Variants in CCL28 observed in about 807,000 individuals in gnomAD.
CCL28 encodes C-C motif chemokine ligand 28.
A neutral mutation model predicts 7.1 loss-of-function variants in CCL28; 4 were observed. That is an observed-to-expected ratio of 0.56 (90% CI 0.28 to 1.29). The LOEUF is 1.29. CCL28 is among the 50% of genes most tolerant of loss of function. CCL28 has a pLI of 0.11. For synonymous variants in CCL28, 55 were observed against 57.8 expected (o/e 0.95, Z 0.22); for missense variants, 151 against 163.4 (o/e 0.92, Z 0.41).
chr5:43,399,024 T>C (rs575671082), intron 1 of CCL28, among the ~76,000 whole-genome samples: 11 of 152,310 alleles, frequency 7.2e-5, no homozygotes, highest in African/African-American at 2.2e-4. Flanking sequence ...TTTTTAGCTC[T>C]ACCCAAATAT....
At chr5:43,400,011 A>G (rs1279641147) in intron 1 of CCL28, among the ~76,000 whole-genome samples, 1 of 151,800 alleles carries the variant, frequency 6.6e-6, no homozygotes, top group African/African-American at 2.4e-5. Flanking sequence ...ATGCCTGGCT[A>G]ATTTTTAAAA....
chr5:43,379,372 C>T lies in CCL28; in HGVS notation c.*2488G>A, dbSNP rs1740013344. 1 of 152,098 alleles carries T rather than the reference C, an allele frequency of 6.6e-6. No individual in the cohort carries two copies. Among genetic ancestry groups the T allele is most frequent in the Non-Finnish European group, 1.5e-5 (1 of 68,018 alleles). 9.4% of individuals were successfully genotyped at this position (152,098 alleles called of 1,614,324 possible). A position where few individuals can be genotyped will look rare whatever the true frequency, so the allele number is the denominator to read the frequency against. On this transcript the variant is annotated 3_prime_UTR_variant, in exon 3 of 3. Transcript: ENST00000361115. The stretch of plus-strand genomic sequence containing the variant: ...TGTGGTTTATTAATATTTTAAGTTA[C>T]TCTCATATTATATTTTATTAATTTT...
downstream of CCL28, among the ~76,000 whole-genome samples, chr5:43,375,802 C>G (rs577193095): frequency 6.6e-6 from 1 of 151,802 alleles, no homozygotes. Flanking sequence ...AAAAATTAGC[C>G]GGGTGTGGTG....
At chr5:43,391,962 C>A in intron 1 of CCL28, among the ~76,000 whole-genome samples, 1 of 152,076 alleles carries the variant, frequency 6.6e-6, no homozygotes, top group African/African-American at 2.4e-5. Context: ...ATTTGCTTTT[C>A]TAGATGTCTC....
chr5:43,376,353 C>T (rs1739887693), downstream of CCL28, among the ~76,000 whole-genome samples: 1 of 152,180 alleles, frequency 6.6e-6, no homozygotes, highest in Non-Finnish European at 1.5e-5. Context: ...TGGATGTCAT[C>T]TGGTGGGTAG....
chr5:43,392,970 G>A (rs34060183), intron 1 of CCL28, among the ~76,000 whole-genome samples: 12,959 of 152,006 alleles, frequency 0.085, 1,085 homozygotes, highest in African/African-American at 0.22. Context: ...TCCTCCCATA[G>A]TCAGATATCA....
chr5:43,395,850 C>T (rs1463948107), intron 1 of CCL28, among the ~76,000 whole-genome samples: 4 of 150,662 alleles, frequency 2.7e-5, no homozygotes, highest in Non-Finnish European at 1.5e-5. Context: ...TGCCTTACCC[C>T]CCGCCTTTTT....
intron 1 of CCL28, among the ~76,000 whole-genome samples, chr5:43,398,915 T>C (rs1486568674): frequency 6.6e-6 from 1 of 152,214 alleles, no homozygotes; most frequent in Non-Finnish European, 1.5e-5. Flanking sequence ...CTCTCCTCAA[T>C]AGTTAGCATT....
chr5:43,361,499 C>A, the CCL28 span, among the ~76,000 whole-genome samples: 1 of 152,058 alleles, frequency 6.6e-6, no homozygotes, highest in Non-Finnish European at 1.5e-5. Context: ...TTTAATTAGA[C>A]CCTATTTATC....
chr5:43,405,188 A>T (rs1464729290), intron 1 of CCL28, among the ~76,000 whole-genome samples: 1 of 152,200 alleles, frequency 6.6e-6, no homozygotes, highest in African/African-American at 2.4e-5. Context: ...TCCACCCCAA[A>T]TCAACAGAAT....
At chr5:43,377,669 C>A (rs1296953685), downstream of CCL28, among the ~76,000 whole-genome samples, 1 of 133,526 alleles carries the variant, frequency 7.5e-6, no homozygotes, top group Non-Finnish European at 1.5e-5. Context: ...AGAAATGATA[C>A]TTTAAGCGTT....
intron 1 of CCL28, among the ~76,000 whole-genome samples, chr5:43,411,557 C>T (rs1476327935): frequency 6.6e-6 from 1 of 150,766 alleles, no homozygotes; most frequent in Non-Finnish European, 1.5e-5. Flanking sequence ...TTGTTTTTAA[C>T]AGATGGGGTT....
chr5:43,371,007 GC>G, the CCL28 span, among the ~76,000 whole-genome samples: 40 of 152,316 alleles, frequency 2.6e-4, no homozygotes, highest in African/African-American at 9.6e-4. Flanking sequence ...CTCCCAAAGT[GC>G]TGGGATTACA....
intron 2 of CCL28, among the ~76,000 whole-genome samples, chr5:43,386,843 A>T (rs929738982): frequency 2.6e-5 from 4 of 152,208 alleles, no homozygotes; most frequent in Admixed American, 2.6e-4. Flanking sequence ...AGATCATCTC[A>T]AATCATTAAG....
the CCL28 span, among the ~76,000 whole-genome samples, chr5:43,363,399 T>C: frequency 1.3e-5 from 2 of 152,184 alleles, no homozygotes; most frequent in Non-Finnish European, 1.5e-5. Context: ...CAGTAGATGA[T>C]GATATCCTTA....
chr5:43,369,057 AG>A, the CCL28 span, among the ~76,000 whole-genome samples: 1 of 130,080 alleles, frequency 7.7e-6, no homozygotes, highest in African/African-American at 3.7e-5. Flanking sequence ...AGAGAGAGAG[AG>A]AGAGAGAGAG....
the CCL28 span, among the ~76,000 whole-genome samples, chr5:43,365,786 C>T: frequency 6.6e-6 from 1 of 152,216 alleles, no homozygotes; most frequent in East Asian, 1.9e-4. Context: ...CCATCACTTT[C>T]AGGTACACCA....
chr5:43,388,770 A>C (rs535692452), intron 1 of CCL28, among the ~76,000 whole-genome samples: 7 of 152,204 alleles, frequency 4.6e-5, no homozygotes, highest in Non-Finnish European at 1.0e-4. Context: ...GAAAGGAGTG[A>C]GGTCAACACG....
intron 2 of CCL28, among the ~76,000 whole-genome samples, chr5:43,386,782 A>T (rs1278961609): frequency 6.6e-6 from 1 of 152,178 alleles, no homozygotes; most frequent in Non-Finnish European, 1.5e-5. Context: ...CTCAAAATTG[A>T]ATAATGGATA....
Sources: allele counts gnomAD v4.1 joint callset (sites outside exome capture counted in the v4.1 genomes callset), GRCh38; gene constraint gnomAD v4.1.1; transcripts MANE v1.5; gene names NCBI Gene and HGNC (gene_info 2026-07-23, HGNC 2026-07-21).